The following SLC2A14 variants were observed in gnomAD, a reference collection of about 807,000 sequenced individuals.
SLC2A14 encodes the protein solute carrier family 2 member 14, also known as solute carrier family 2, facilitated glucose transporter member 14.
In SLC2A14, 13 loss-of-function variants were observed where a neutral mutation model predicts 43.0. The observed-to-expected ratio is 0.30, with a 90% CI of 0.20 to 0.48. The LOEUF (loss-of-function observed/expected upper bound fraction) is 0.48, where lower values mean the gene tolerates loss of function less well. Ranked by LOEUF, SLC2A14 falls within the 20% of genes least tolerant of loss-of-function variation. SLC2A14 has a pLI of 0.99. For synonymous variants in SLC2A14, 190 were observed against 233.8 expected (o/e 0.81, Z 1.71); for missense variants, 428 against 620.4 (o/e 0.69, Z 3.29).
intron 1 of SLC2A14, among the ~76,000 whole-genome samples, chr12:7,883,957 T>A (rs1408473040): frequency 2.0e-5 from 3 of 150,400 alleles, no homozygotes; most frequent in Non-Finnish European, 4.4e-5. Context: ...GGAGCCTTGG[T>A]CTGTCGCCCA....
intron 2 of SLC2A14, among the ~76,000 whole-genome samples, chr12:7,835,165 G>A (rs7306351): frequency 0.12 from 17,714 of 151,326 alleles, 2,663 homozygotes; most frequent in African/African-American, 0.33. Flanking sequence ...GTAAGTTAGT[G>A]AGAATGTTAT....
chr12:7,871,244 T>A, intron 1 of SLC2A14: 1 of 1,220,580 alleles, frequency 8.2e-7, no homozygotes. Context: ...CTCACCACCA[T>A]GGGTGACAGC....
At chr12:7,849,948 T>TCTG (rs1211280718) in intron 2 of SLC2A14, among the ~76,000 whole-genome samples, 2 of 145,742 alleles carry the variant, frequency 1.4e-5, no homozygotes, top group Non-Finnish European at 3.0e-5. Context: ...TGCACAACAC[T>TCTG]CTGCTGTACG....
rs776138929 is a variant in SLC2A14, at chr12:7,881,619, C to CG, written c.132+9376dup. Among the ~76,000 whole-genome samples the CG allele has an allele frequency of 6.6e-5, 10 of 152,158 alleles. No homozygotes were observed. In the East Asian group the frequency reaches 7.7e-4, roughly 12 times the overall value. On this transcript the variant is annotated intron_variant, in intron 1 of 9. Transcript: ENST00000539924. ...CCGACAAGCGCGGCCTCCTGCTCCA[C>CG]GCGCCCAGTCCCATCGACCACCCAA...
rs1464227381 is a variant in SLC2A14 at position 7,828,875 on chromosome 12, C to T, written c.514-9G>A. On this transcript the variant is annotated splice_polypyrimidine_tract_variant and intron_variant, in intron 5 of 10. Transcript: ENST00000431042. ...AGTTCCAGACCAAAGATCTAGAAAC[C>T]ACACAAAGATAATGCTATAAACCCC... 6.2e-7 allele frequency: 1 copy of T among 1,612,626 alleles called. No homozygotes were observed. Among genetic ancestry groups the T allele is most frequent in the Non-Finnish European group, 8.5e-7 (1 of 1,179,318 alleles).
At chr12:7,877,005 C>CT (rs57906469), upstream of SLC2A14, among the ~76,000 whole-genome samples, 288 of 132,936 alleles carry the variant, frequency 2.2e-3, no homozygotes, top group Middle Eastern at 4.1e-3. Flanking sequence ...AATTTTTTTT[C>CT]TTTTTTTTTT....
chr12:7,874,232 T>A (rs1363862569), upstream of SLC2A14, among the ~76,000 whole-genome samples: 8 of 152,096 alleles, frequency 5.3e-5, no homozygotes, highest in African/African-American at 1.9e-4. Context: ...GATAAATTGT[T>A]TGGCAATATT....
upstream of SLC2A14, among the ~76,000 whole-genome samples, chr12:7,876,226 A>G (rs1945460905): frequency 7.2e-6 from 1 of 139,300 alleles, no homozygotes; most frequent in Non-Finnish European, 1.5e-5. Context: ...GGTTGCAGTG[A>G]GTCGAGATCG....
intron 2 of SLC2A14, among the ~76,000 whole-genome samples, chr12:7,848,857 CT>C (rs773443198): frequency 2.7e-5 from 4 of 150,174 alleles, no homozygotes; most frequent in African/African-American, 7.3e-5. Context: ...CGCCCGGCCT[CT>C]TTTTTTTTCT....
intron 1 of SLC2A14, among the ~76,000 whole-genome samples, chr12:7,880,690 CAAAAAAAAAAAAA>C (rs753621437): frequency 3.1e-5 from 2 of 65,138 alleles, no homozygotes; most frequent in East Asian, 3.3e-4. Context: ...AGCTGGGTCT[CAAAAAAAAAAAAA>C]AAAAAAAAAA....
chr12:7,847,512 G>GA (rs1866566382), intron 2 of SLC2A14, among the ~76,000 whole-genome samples: 1 of 152,142 alleles, frequency 6.6e-6, no homozygotes, highest in Admixed American at 6.6e-5. Flanking sequence ...AGGATTTGCT[G>GA]AATGAGTTTT....
intron 1 of SLC2A14, among the ~76,000 whole-genome samples, chr12:7,879,954 C>T (rs889178205): frequency 4.0e-5 from 6 of 151,530 alleles, no homozygotes; most frequent in Admixed American, 1.3e-4. Context: ...TGCAGTGACC[C>T]GAAATGGCAC....
chr12:7,882,099 C>CT (rs1213257076), intron 1 of SLC2A14, among the ~76,000 whole-genome samples: 7 of 152,046 alleles, frequency 4.6e-5, no homozygotes, highest in Non-Finnish European at 7.4e-5. Context: ...AGGCTTTGTT[C>CT]TTTTTTTCTT....
chr12:7,881,090 A>ATCAG (rs1945562663), intron 1 of SLC2A14, among the ~76,000 whole-genome samples: 1 of 152,126 alleles, frequency 6.6e-6, no homozygotes, highest in Non-Finnish European at 1.5e-5. Flanking sequence ...AGTAAGCCGA[A>ATCAG]ATCGCACTGA....
At chr12:7,882,729 T>G (rs1367769872) in intron 1 of SLC2A14, among the ~76,000 whole-genome samples, 1 of 151,676 alleles carries the variant, frequency 6.6e-6, no homozygotes, top group Non-Finnish European at 1.5e-5. Context: ...CCCAGCTACG[T>G]GGGAAGCTGA....
At chr12:7,816,709 T>A (rs1863486528) in intron 10 of SLC2A14, among the ~76,000 whole-genome samples, 1 of 151,592 alleles carries the variant, frequency 6.6e-6, no homozygotes, top group Non-Finnish European at 1.5e-5. Flanking sequence ...ATTCGTAAAT[T>A]GTTTTGTTTT....
At chr12:7,830,108 A>C in intron 4 of SLC2A14, 102 bp from the exon 5 acceptor site, 4 of 1,421,410 alleles carry the variant, frequency 2.8e-6, no homozygotes, top group Non-Finnish European at 1.9e-6. Flanking sequence ...GCTTATATCA[A>C]CTCCTTTTTT....
intron 2 of SLC2A14, among the ~76,000 whole-genome samples, chr12:7,838,271 A>G (rs899022430): frequency 1.3e-5 from 2 of 151,254 alleles, no homozygotes; most frequent in African/African-American, 4.9e-5. Flanking sequence ...CATTTTTAGT[A>G]GAGACAGGGT....
At position 7,826,861 on chromosome 12, in the gene SLC2A14, T is replaced by TTTTTTCTTTC. The variant is rs1555121668; in HGVS notation, c.864+633_864+634insGAAAGAAAAA. ...TCCTTCCTTCCTTCCTTCCTTTCTT[T>TTTTTTCTTTC]TTTCTTTCTTTCTTTCTTTCTTTCT... On this transcript the variant is annotated intron_variant, in intron 7 of 10. Transcript: ENST00000431042. Among the ~76,000 whole-genome samples, 193 of 60,312 alleles carry TTTTTTCTTTC rather than the reference T, an allele frequency of 3.2e-3. 6 individuals are homozygous for TTTTTTCTTTC. Among genetic ancestry groups the TTTTTTCTTTC allele is most frequent in the Middle Eastern group, 0.022 (3 of 134 alleles). The allele number at this position is 60,312 out of a possible 152,430, so 39.6% of individuals were successfully genotyped here.
Sources: allele counts gnomAD v4.1 joint callset (sites outside exome capture counted in the v4.1 genomes callset), GRCh38; gene constraint gnomAD v4.1.1; transcripts MANE v1.5; gene names NCBI Gene and HGNC (gene_info 2026-07-23, HGNC 2026-07-21).